The following LDLRAD4 variants were observed in gnomAD, a reference collection of about 807,000 sequenced individuals.
LDLRAD4 encodes the protein low-density lipoprotein receptor class A domain-containing protein 4.
Under a neutral mutation model 17.0 loss-of-function variants are expected in LDLRAD4, and 5 were observed. The observed-to-expected ratio is 0.29, with a 90% confidence interval of 0.15 to 0.62. The LOEUF is 0.62. Ranked by LOEUF, LDLRAD4 falls within the 20% of genes least tolerant of loss-of-function variation. The pLI, the probability that LDLRAD4 is intolerant of heterozygous loss-of-function variation, is 0.84. For missense variants in LDLRAD4, 340 were observed against 424.7 expected (o/e 0.80, Z 1.75); for synonymous variants, 168 against 171.8 (o/e 0.98, Z 0.17).
intron 3 of LDLRAD4, among the ~76,000 whole-genome samples, chr18:13,529,774 G>A (rs2094098992): frequency 6.6e-6 from 1 of 152,204 alleles, no homozygotes; most frequent in Non-Finnish European, 1.5e-5. Flanking sequence ...GCGTTCTGAT[G>A]TCCTTAAACT....
chr18:13,273,299 T>G (rs1012877752), upstream of LDLRAD4, among the ~76,000 whole-genome samples: 1 of 152,152 alleles, frequency 6.6e-6, no homozygotes, highest in South Asian at 2.1e-4. Context: ...GGCCTCCTTG[T>G]GTTTAATTTA....
chr18:13,243,947 C>T (rs1357869072), intron 1 of LDLRAD4, among the ~76,000 whole-genome samples: 1 of 145,448 alleles, frequency 6.9e-6, no homozygotes, highest in African/African-American at 2.6e-5. Flanking sequence ...ATCCACCCAC[C>T]CACCCATCCA....
chr18:13,390,978 C>T (rs780364896), intron 2 of LDLRAD4, among the ~76,000 whole-genome samples: 2 of 152,228 alleles, frequency 1.3e-5, no homozygotes, highest in Non-Finnish European at 2.9e-5. Flanking sequence ...GGGGCTGACA[C>T]ACTCTGCCTG....
At chr18:13,412,145 C>T (rs984171478) in intron 2 of LDLRAD4, among the ~76,000 whole-genome samples, 2 of 152,296 alleles carry the variant, frequency 1.3e-5, no homozygotes, top group East Asian at 3.9e-4. Flanking sequence ...GCCTGGCCTG[C>T]ACTGAGTTCT....
intron 1 of LDLRAD4, among the ~76,000 whole-genome samples, chr18:13,333,646 C>T (rs776540992): frequency 1.2e-4 from 19 of 152,190 alleles, no homozygotes; most frequent in Non-Finnish European, 1.6e-4. Flanking sequence ...AGTTCCAGCA[C>T]GATTTGTTGA....
intron 3 of LDLRAD4, among the ~76,000 whole-genome samples, chr18:13,473,678 T>TAA (rs1555701486): frequency 0.11 from 8,716 of 79,536 alleles, 1,280 homozygotes; most frequent in South Asian, 0.14. Flanking sequence ...TATATATATA[T>TAA]AACGTTTACA....
At chr18:13,365,478 C>T (rs1210797345) in intron 1 of LDLRAD4, among the ~76,000 whole-genome samples, 1 of 152,178 alleles carries the variant, frequency 6.6e-6, no homozygotes, top group African/African-American at 2.4e-5. Context: ...TTATAAAGAA[C>T]GTTTTCCACC....
At chr18:13,355,008 G>A (rs188671564) in intron 1 of LDLRAD4, among the ~76,000 whole-genome samples, 20 of 152,306 alleles carry the variant, frequency 1.3e-4, no homozygotes, top group African/African-American at 4.8e-4. Context: ...ATGGAGAGAG[G>A]TGCTTGTTTC....
intron 1 of LDLRAD4, among the ~76,000 whole-genome samples, chr18:13,298,693 T>G (rs999780086): frequency 4.1e-5 from 6 of 144,582 alleles, no homozygotes; most frequent in Non-Finnish European, 7.6e-5. Flanking sequence ...TGTTGCCGCT[T>G]TGGGCATGGT....
At chr18:13,583,735 C>T (rs556169229) in intron 3 of LDLRAD4, among the ~76,000 whole-genome samples, 327 of 152,040 alleles carry the variant, frequency 2.2e-3, no homozygotes, top group Non-Finnish European at 3.5e-3. Context: ...GGCCCGGCCG[C>T]GCCGAAGCCT....
intron 1 of LDLRAD4, among the ~76,000 whole-genome samples, chr18:13,343,277 CTG>C (rs2082486176): frequency 7.4e-6 from 1 of 134,894 alleles, no homozygotes; most frequent in Non-Finnish European, 1.6e-5. Flanking sequence ...GTTCCCCTTC[CTG>C]TGTCCATGTG....
chr18:13,385,403 G>A (rs990177893), intron 1 of LDLRAD4, among the ~76,000 whole-genome samples: 2 of 152,080 alleles, frequency 1.3e-5, no homozygotes, highest in Non-Finnish European at 2.9e-5. Context: ...AGTATGGCTT[G>A]CAAATATTTT....
At chr18:13,578,146 A>C (rs1015579454) in intron 3 of LDLRAD4, among the ~76,000 whole-genome samples, 1 of 152,062 alleles carries the variant, frequency 6.6e-6, no homozygotes, top group African/African-American at 2.4e-5. Context: ...ATGCAAATAT[A>C]CCAAGTCTCA....
In LDLRAD4 at chr18:13,645,919, C is replaced by CT. The variant is rs2042998385; in HGVS notation, c.*262_*263insT. 2.9e-6 allele frequency: 1 copy of CT among 349,480 alleles called. No individual in the cohort carries two copies. The highest frequency in any genetic ancestry group is 1.4e-4 in the South Asian group (1 of 7,028). The allele number at this position is 349,480 out of a possible 1,614,324, so 21.6% of individuals were successfully genotyped here. ...GGATGGGGGTGTGGGCAGGGGAAAACAGAGAACGGGATGCTTTGAAGATAC... is the reference window on the plus strand; with the variant it reads ...GGATGGGGGTGTGGGCAGGGGAAAACTAGAGAACGGGATGCTTTGAAGATAC... On this transcript the variant is annotated 3_prime_UTR_variant, in exon 6 of 6. Coordinates refer to ENST00000359446, the Ensembl canonical transcript of LDLRAD4. The surrounding 1 kb of genome is among the most constrained non-coding windows in gnomAD (Gnocchi z 5.7).
At chr18:13,489,475 A>G (rs1358653997) in intron 3 of LDLRAD4, 2 of 152,186 alleles carry the variant, frequency 1.3e-5, no homozygotes, top group Non-Finnish European at 2.9e-5. Flanking sequence ...TTCTTACACC[A>G]AATAAGGGTG....
At chr18:13,370,570 T>C (rs765625972) in intron 1 of LDLRAD4, among the ~76,000 whole-genome samples, 13 of 152,184 alleles carry the variant, frequency 8.5e-5, no homozygotes, top group Non-Finnish European at 1.8e-4. Flanking sequence ...AATAAGGAGA[T>C]GGCACCCTTT....
At chr18:13,623,373 G>A (rs1347212181) in intron 4 of LDLRAD4, among the ~76,000 whole-genome samples, 1 of 152,220 alleles carries the variant, frequency 6.6e-6, no homozygotes, top group African/African-American at 2.4e-5. Flanking sequence ...GCCTCGTTTT[G>A]TTAATGTGCA....
chr18:13,516,724 T>C (rs2093873160), intron 3 of LDLRAD4, among the ~76,000 whole-genome samples: 2 of 152,240 alleles, frequency 1.3e-5, no homozygotes, highest in Non-Finnish European at 2.9e-5. Context: ...TTTGTTACCC[T>C]GGATAATGGC....
chr18:13,495,903 G>A (rs557430372), intron 3 of LDLRAD4, among the ~76,000 whole-genome samples: 7 of 152,290 alleles, frequency 4.6e-5, no homozygotes, highest in East Asian at 1.9e-4. Context: ...GGGTCGCCTC[G>A]GCCTCCAGCT....
Sources: gnomAD v4.1 joint callset for allele counts (sites outside exome capture counted in the v4.1 genomes callset) on GRCh38, gnomAD v4.1.1 for gene constraint, Gnocchi (gnomAD v3.1) non-coding constraint, MANE v1.5 for transcripts, NCBI Gene and HGNC (gene_info 2026-07-23, HGNC 2026-07-21) for gene names.